PSMD1: variants seen among roughly 807,000 people sequenced by gnomAD.
PSMD1 encodes 26S proteasome non-ATPase regulatory subunit 1.
A neutral mutation model predicts 119.0 loss-of-function variants in PSMD1; 18 were observed. The observed-to-expected ratio is 0.15, with a 90% CI of 0.10 to 0.22. PSMD1 has a LOEUF of 0.22. Among genes scored for constraint, PSMD1 ranks in the 10% least tolerant of loss-of-function variants. The pLI is 1.00. For missense variants in PSMD1, 702 were observed against 1,158.5 expected, an observed-to-expected ratio of 0.61 and a Z score of 5.72; for synonymous variants, 374 against 396.6, an observed-to-expected ratio of 0.94 and a Z score of 0.68.
chr2:231,058,668 C>T (rs1353406747), intron 1 of PSMD1, among the ~76,000 whole-genome samples: 1 of 152,066 alleles, frequency 6.6e-6, no homozygotes, highest in African/African-American at 2.4e-5. Context: ...AACCAAGGAC[C>T]CACATGATCT....
At chr2:231,169,139 A>G (rs1221313851) in intron 23 of PSMD1, among the ~76,000 whole-genome samples, 1 of 152,144 alleles carries the variant, frequency 6.6e-6, no homozygotes, top group African/African-American at 2.4e-5. Flanking sequence ...GATTTGGATT[A>G]TTAGTTTTGG....
At chr2:231,118,966 T>C (rs1478307133) in intron 16 of PSMD1, among the ~76,000 whole-genome samples, 1 of 150,950 alleles carries the variant, frequency 6.6e-6, no homozygotes, top group Non-Finnish European at 1.5e-5. Flanking sequence ...TGCTTCTGTC[T>C]TTATCTTCCA....
At chr2:231,092,527 C>G (rs1694620754) in intron 16 of PSMD1, among the ~76,000 whole-genome samples, 1 of 152,150 alleles carries the variant, frequency 6.6e-6, no homozygotes, top group African/African-American at 2.4e-5. Flanking sequence ...CATAAAGTGT[C>G]TTGGGGTGGC....
chr2:231,160,867 G>A (rs937479079), intron 19 of PSMD1, among the ~76,000 whole-genome samples: 6 of 152,154 alleles, frequency 3.9e-5, no homozygotes, highest in African/African-American at 1.4e-4. Context: ...CATATGAATT[G>A]TGCTTTTAAA....
Position 231,161,335 on chromosome 2 carries a change from T to G in PSMD1, c.2219-5T>G. 6.3e-7 allele frequency: 1 copy of G among 1,598,350 alleles called. No individual in the cohort carries two copies. Among genetic ancestry groups the G allele is most frequent in the South Asian group, 1.1e-5 (1 of 89,040 alleles). On this transcript the variant is annotated splice_region_variant and splice_polypyrimidine_tract_variant and intron_variant, in intron 19 of 24. Transcript: ENST00000308696. ...ATTGTTCATGGTTTCTCTCTTTTTC[T>G]ACAGGTGGTCATAATGTCACAATCT...
At chr2:231,161,249 AAAAGAAAG>A in intron 19 of PSMD1, 83 bp from the exon 20 acceptor site, 5 of 1,304,364 alleles carry the variant, frequency 3.8e-6, no homozygotes, top group Non-Finnish European at 5.2e-6. Flanking sequence ...AAAAAAAAAA[AAAAGAAAG>A]AAAGAAAGAT....
chr2:231,079,506 C>G (rs776731578), intron 10 of PSMD1, 30 bp from the exon 11 acceptor site: 1 of 1,465,918 alleles, frequency 6.8e-7, no homozygotes, highest in Non-Finnish European at 9.5e-7. Context: ...TGTTTTAACA[C>G]TAATTAAAAT....
At chr2:231,167,482 T>G (rs1232139920) in intron 23 of PSMD1, among the ~76,000 whole-genome samples, 1 of 152,198 alleles carries the variant, frequency 6.6e-6, no homozygotes, top group African/African-American at 2.4e-5. Flanking sequence ...CAGAGATAGC[T>G]ATAACAGTTG....
intron 18 of PSMD1, among the ~76,000 whole-genome samples, chr2:231,147,031 A>G (rs1053314207): frequency 5.3e-5 from 8 of 152,156 alleles, no homozygotes; most frequent in African/African-American, 1.9e-4. Context: ...GCCCCTGATC[A>G]TATTGGACAC....
chr2:231,162,533 A>G (rs560016557), intron 20 of PSMD1, among the ~76,000 whole-genome samples: 1 of 152,264 alleles, frequency 6.6e-6, no homozygotes, highest in South Asian at 2.1e-4. Context: ...TGTATAACCT[A>G]TTTTATTCTC....
rs746729222 is a variant in PSMD1 at position 231,062,518 on chromosome 2, C to T, written c.147C>T (p.Tyr49=). ...TAATTTCTTTCAGAGAGGTTTTATACGAAGATGAAGGTTTCCGGAGTCGGC... is the reference window on the plus strand; with the variant it reads ...TAATTTCTTTCAGAGAGGTTTTATATGAAGATGAAGGTTTCCGGAGTCGGC... The part of the protein sequence containing the change: ...SESVDKIEVL[Y]EDEGFRSRQF... The change falls in exon 4 of 25, where the codon TAC becomes TAT. Residue 49 remains tyrosine (Y), a synonymous_variant. Transcript: ENST00000308696. 15 of 1,592,498 alleles carry T rather than the reference C, an allele frequency of 9.4e-6. No individual in the cohort carries two copies. Among genetic ancestry groups the T allele is most frequent in the South Asian group, 5.7e-5 (5 of 87,974 alleles).
At chr2:231,108,970 G>A (rs1159211667) in intron 16 of PSMD1, 2 of 1,614,126 alleles carry the variant, frequency 1.2e-6, no homozygotes. Context: ...GCAAAAAGAG[G>A]AAAAACACAA....
At chr2:231,089,307 G>T (rs1325503433) in intron 16 of PSMD1, among the ~76,000 whole-genome samples, 1 of 152,176 alleles carries the variant, frequency 6.6e-6, no homozygotes, top group African/African-American at 2.4e-5. Context: ...GATTTTCCAT[G>T]TAGACAGAAT....
At chr2:231,131,423 G>A (rs1420294983) in intron 16 of PSMD1, among the ~76,000 whole-genome samples, 1 of 152,160 alleles carries the variant, frequency 6.6e-6, no homozygotes, top group Non-Finnish European at 1.5e-5. Flanking sequence ...ATGTGCAGGA[G>A]TTTTGCTTTC....
At chr2:231,168,202 T>C (rs778485192) in intron 23 of PSMD1, among the ~76,000 whole-genome samples, 10 of 152,170 alleles carry the variant, frequency 6.6e-5, no homozygotes, top group Non-Finnish European at 1.5e-4. Context: ...GGAACCCTCA[T>C]AGAGTAATAG....
At position 231,161,405 on chromosome 2, in the gene PSMD1, G is replaced by A; in HGVS notation, c.2284G>A (p.Gly762Ser). 1.2e-6 allele frequency: 2 copies of A among 1,613,782 alleles called. No individual in the cohort carries two copies. Among genetic ancestry groups the A allele is most frequent in the Non-Finnish European group, 1.7e-6 (2 of 1,179,746 alleles). The change falls in exon 20 of 25, where the codon GGC becomes AGC. Residue 762 changes from glycine to serine, a missense_variant. By Grantham distance (56) the Gly-to-Ser change is moderately conservative (BLOSUM62 0). Coordinates refer to ENST00000308696, the MANE Select transcript of PSMD1 (RefSeq NM_002807.4). ...GCATACTCATATGCCTTCTGTGGTTGGCGTCCTTGTATTTACCCAGTTTTG... is the reference window on the plus strand; with the variant it reads ...GCATACTCATATGCCTTCTGTGGTTAGCGTCCTTGTATTTACCCAGTTTTG... ...TGHTHMPSVV[G>S]VLVFTQFWFW...
chr2:231,063,918 C>T (rs948940639), intron 4 of PSMD1, among the ~76,000 whole-genome samples: 1 of 152,108 alleles, frequency 6.6e-6, no homozygotes, highest in African/African-American at 2.4e-5. Flanking sequence ...CCTGCTTTGG[C>T]CTCCCAAAGT....
chr2:231,158,647 C>T lies in PSMD1; in HGVS notation c.2219-2693C>T, dbSNP rs569648525. Among the ~76,000 whole-genome samples, 4 of 152,306 alleles carry T rather than the reference C, an allele frequency of 2.6e-5. No homozygotes were observed. The South Asian group carries it at 6.2e-4, about 24-fold the overall frequency. ...AGGCATCGTTTTCCTCTCTTCTGCC[C>T]CTCCCCAGTCTCCATCCCAGGTTAG... On this transcript the variant is annotated intron_variant, in intron 19 of 24. Transcript: ENST00000308696.
intron 23 of PSMD1, among the ~76,000 whole-genome samples, chr2:231,168,606 T>C (rs1183358708): frequency 6.6e-6 from 1 of 152,114 alleles, no homozygotes; most frequent in Non-Finnish European, 1.5e-5. Context: ...GGCAAATCTA[T>C]AGAGACGAGT....
Sources: gnomAD v4.1 joint callset for allele counts (sites outside exome capture counted in the v4.1 genomes callset) on GRCh38, gnomAD v4.1.1 for gene constraint, MANE v1.5 for transcripts, NCBI Gene and HGNC (gene_info 2026-07-23, HGNC 2026-07-21) for gene names.